KLRB1: variants seen among roughly 807,000 people sequenced by gnomAD.
KLRB1 encodes the protein killer cell lectin like receptor B1, also known as killer cell lectin-like receptor subfamily B member 1.
In KLRB1, 27 loss-of-function variants were observed where a neutral mutation model predicts 33.5. That is an observed-to-expected ratio of 0.81 (90% CI 0.59 to 1.11). The LOEUF is 1.11. Ranked by LOEUF, KLRB1 falls within the 50% of genes most tolerant of loss-of-function variation. The probability of loss-of-function intolerance (pLI) is 0.00; values close to 1 mark genes in which losing one functional copy is unlikely to be tolerated. For missense variants in KLRB1, 241 were observed against 254.1 expected (o/e 0.95, Z 0.35); for synonymous variants, 64 against 88.9 (o/e 0.72, Z 1.58).
In KLRB1 at chr12:9,595,306, G is replaced by T. The variant is rs1246660947; in HGVS notation, c.646C>A (p.Pro216Thr). ...IRWICQKELT[P>T]VRNKVYPDS ...TCAGGATACACTTTATTTCTCACAG[G>T]TGTTAGTTCTTTTTGGCAGATCCAT... is the stretch of plus-strand genomic sequence containing the variant. Residue 216 changes from proline to threonine, a missense_variant, in exon 6 of 6, where the codon CCT becomes ACT. Transcript: ENST00000229402. 1 of 1,613,210 alleles carries T rather than the reference G, an allele frequency of 6.2e-7. No individual in the cohort carries two copies. The highest frequency in any genetic ancestry group is 8.5e-7 in the Non-Finnish European group (1 of 1,179,474).
intron 1 of KLRB1, among the ~76,000 whole-genome samples, chr12:9,607,343 T>TCTTCCTTTCTTC (rs1402075077): frequency 1.5e-5 from 1 of 68,066 alleles, no homozygotes; most frequent in African/African-American, 4.8e-5. Flanking sequence ...TTCCTTTCTT[T>TCTTCCTTTCTTC]CTTTCTTTCT....
At chr12:9,602,136 A>T (rs748893634) in intron 1 of KLRB1, among the ~76,000 whole-genome samples, 2 of 152,108 alleles carry the variant, frequency 1.3e-5, no homozygotes, top group African/African-American at 4.8e-5. Flanking sequence ...GTCTAAGCCA[A>T]CTTGGGATCC....
chr12:9,605,309 T>C (rs1391065277), intron 1 of KLRB1, among the ~76,000 whole-genome samples: 1 of 152,234 alleles, frequency 6.6e-6, no homozygotes, highest in Non-Finnish European at 1.5e-5. Flanking sequence ...CGTGTGCATG[T>C]GTCTTTATAG....
chr12:9,606,648 T>TTA (rs10667765), intron 1 of KLRB1, among the ~76,000 whole-genome samples: 41,802 of 95,988 alleles, frequency 0.44, 10,198 homozygotes, highest in Admixed American at 0.56. Context: ...AGCCTACACT[T>TTA]TATATATATA....
chr12:9,596,108 T>C (rs1215742208), intron 5 of KLRB1, among the ~76,000 whole-genome samples: 1 of 152,168 alleles, frequency 6.6e-6, no homozygotes, highest in Admixed American at 6.6e-5. Flanking sequence ...GGGGTTGAGT[T>C]GCAAGGACGG....
chr12:9,595,291 C>T lies in KLRB1; in HGVS notation c.661G>A (p.Val221Met), dbSNP rs1022732183. Residue 221 changes from valine to methionine, a missense_variant, in exon 6 of 6, where the codon GTG becomes ATG. Physicochemically the swap from Val to Met is conservative, Grantham distance 21. Transcript: ENST00000229402. ...ATTCATAGTCAAGAGTCAGGATACA[C>T]TTTATTTCTCACAGGTGTTAGTTCT... ...QKELTPVRNK[V>M]YPDS The T allele has an allele frequency of 3.7e-6, 6 of 1,613,146 alleles. No individual in the cohort carries two copies. The highest frequency in any genetic ancestry group is 1.7e-5 in the Admixed American group (1 of 59,968).
At position 9,599,750 on chromosome 12, in the gene KLRB1, T is replaced by G; in HGVS notation, c.259+17A>C. 5 of 1,509,680 alleles carry G rather than the reference T, an allele frequency of 3.3e-6. No individual in the cohort carries two copies. The highest frequency in any genetic ancestry group is 4.6e-6 in the Non-Finnish European group (5 of 1,085,296). The allele number at this position is 1,509,680 out of a possible 1,614,324, so 93.5% of individuals were successfully genotyped here. A position where few individuals can be genotyped will look rare whatever the true frequency, so the allele number is the denominator to read the frequency against. On this transcript the variant is annotated intron_variant, in intron 3 of 5. Coordinates refer to ENST00000229402, the MANE Select transcript of KLRB1 (RefSeq NM_002258.3). ...ATATTAACAGTTATTCTTAGGAAAT[T>G]GAAGCCACACAATTACCTGTTGTTT...
At chr12:9,607,351 T>TC (rs1555097790) in intron 1 of KLRB1, among the ~76,000 whole-genome samples, 2 of 81,990 alleles carry the variant, frequency 2.4e-5, no homozygotes, top group Non-Finnish European at 5.2e-5. Context: ...TTTCTTTCTT[T>TC]CTTCCTTTCT....
chr12:9,607,250 C>CTCTTTCTTTCTT (rs1864616067), intron 1 of KLRB1, among the ~76,000 whole-genome samples: 1 of 122,372 alleles, frequency 8.2e-6, no homozygotes, highest in Non-Finnish European at 1.8e-5. Flanking sequence ...CTTCCTCCTT[C>CTCTTTCTTTCTT]TCTTTTTCTT....
chr12:9,604,018 GT>G (rs57960439), intron 1 of KLRB1, among the ~76,000 whole-genome samples: 8,570 of 142,682 alleles, frequency 0.06, 781 homozygotes, highest in African/African-American at 0.2. Flanking sequence ...TCTAAAAGTT[GT>G]TTTTTTTTTT....
intron 5 of KLRB1, among the ~76,000 whole-genome samples, chr12:9,597,769 T>A (rs1591655815): frequency 6.6e-6 from 1 of 152,198 alleles, no homozygotes; most frequent in South Asian, 2.1e-4. Context: ...ATAATCACTA[T>A]TTTTAATTTA....
chr12:9,604,690 C>G (rs1372857079), intron 1 of KLRB1, among the ~76,000 whole-genome samples: 1 of 152,102 alleles, frequency 6.6e-6, no homozygotes. Context: ...CTCAGGGAGG[C>G]CTTCCTTGAT....
chr12:9,599,853 G>A lies in KLRB1; in HGVS notation c.185-12C>T, dbSNP rs895020158. ...TATTAAGGATGTCACTAGTACATAAGGAAAAACAAGAGTATTAAATGCTGA... is the reference window on the plus strand; with the variant it reads ...TATTAAGGATGTCACTAGTACATAAAGAAAAACAAGAGTATTAAATGCTGA... On this transcript the variant is annotated splice_polypyrimidine_tract_variant and intron_variant, in intron 2 of 5. Coordinates refer to ENST00000229402, the MANE Select transcript of KLRB1 (RefSeq NM_002258.3). The A allele has an allele frequency of 6.8e-7, 1 of 1,470,646 alleles. No individual in the cohort carries two copies. Among genetic ancestry groups the A allele is most frequent in the African/African-American group, 1.4e-5 (1 of 71,822 alleles). The allele number at this position is 1,470,646 out of a possible 1,614,324, so 91.1% of individuals were successfully genotyped here. A position where few individuals can be genotyped will look rare whatever the true frequency, so the allele number is the denominator to read the frequency against.
intron 5 of KLRB1, among the ~76,000 whole-genome samples, chr12:9,596,826 G>A (rs1864496470): frequency 6.6e-6 from 1 of 152,028 alleles, no homozygotes. Context: ...CCAATACCAT[G>A]TGTGGAAAGA....
intron 1 of KLRB1, among the ~76,000 whole-genome samples, chr12:9,603,036 G>T (rs934542730): frequency 6.6e-6 from 1 of 152,120 alleles, no homozygotes; most frequent in Non-Finnish European, 1.5e-5. Context: ...ATTATGGGAG[G>T]AACCATAATA....
rs749991467 is a variant in KLRB1, at chr12:9,598,456, G to T, written c.414+43C>A. Reference sequence around the variant, plus strand: ...TGCACAGACATTAATATGGTTTAAAGAAAGTGTTAAGTTTTATTAAGGTAT... The same window carrying T: ...TGCACAGACATTAATATGGTTTAAATAAAGTGTTAAGTTTTATTAAGGTAT... On this transcript the variant is annotated intron_variant, in intron 4 of 5. Coordinates refer to ENST00000229402, the MANE Select transcript of KLRB1 (RefSeq NM_002258.3). 3 of 1,546,526 alleles carry T rather than the reference G, an allele frequency of 1.9e-6. No individual in the cohort carries two copies. In the East Asian group the frequency reaches 6.8e-5, roughly 35 times the overall value.
chr12:9,605,970 T>C (rs1400067858), intron 1 of KLRB1, among the ~76,000 whole-genome samples: 1 of 152,108 alleles, frequency 6.6e-6, no homozygotes, highest in African/African-American at 2.4e-5. Context: ...TTTCCACCTT[T>C]TGCTAGATAT....
chr12:9,598,424 G>A, intron 4 of KLRB1, 75 bp downstream of exon 4: 1 of 1,254,030 alleles, frequency 8.0e-7, no homozygotes, highest in South Asian at 1.4e-5. Context: ...TAAAACCCCT[G>A]GGCTAATGCA....
chr12:9,595,175 C>G lies in KLRB1; in HGVS notation c.*99G>C, dbSNP rs1864481602. 1.0e-6 allele frequency: 1 copy of G among 957,770 alleles called. No homozygotes were observed. Among genetic ancestry groups the G allele is most frequent in the South Asian group, 1.6e-5 (1 of 61,262 alleles). 59.3% of individuals were successfully genotyped at this position (957,770 alleles called of 1,614,324 possible). A position where few individuals can be genotyped will look rare whatever the true frequency, so the allele number is the denominator to read the frequency against. On this transcript the variant is annotated 3_prime_UTR_variant, in exon 6 of 6. Transcript: ENST00000229402. The stretch of plus-strand genomic sequence containing the variant: ...AATTCTCAGAATTGTTCACTTTGTG[C>G]CACTAAATGTGGCACTATTAGGTAG...
Sources: allele counts gnomAD v4.1 joint callset (sites outside exome capture counted in the v4.1 genomes callset), GRCh38; gene constraint gnomAD v4.1.1; transcripts MANE v1.5; gene names NCBI Gene and HGNC (gene_info 2026-07-23, HGNC 2026-07-21).